Variants in SRCAP observed in about 807,000 individuals in gnomAD.
SRCAP encodes the protein Snf2 related CREBBP activator protein, also known as chromatin remodeling protein SRCAP.
SRCAP carries 46 observed loss-of-function variants against 263.1 expected under a neutral mutation model. The ratio of observed to expected loss-of-function variants is 0.17; its 90% CI spans 0.14 to 0.22. SRCAP has a LOEUF of 0.22. Among genes scored for constraint, SRCAP ranks in the 10% least tolerant of loss-of-function variants. SRCAP has a pLI of 1.00. For synonymous variants in SRCAP, 1,813 were observed against 1,662.1 expected (o/e 1.09, Z -2.21); for missense variants, 3,695 against 4,181.9 (o/e 0.88, Z 3.21).
intron 25 of SRCAP, among the ~76,000 whole-genome samples, chr16:30,727,250 A>G (rs2053072806): frequency 6.6e-6 from 1 of 152,228 alleles, no homozygotes; most frequent in African/African-American, 2.4e-5. Context: ...TGTGGTTGAA[A>G]TACCATGCTG....
rs141985098 is a variant in SRCAP at position 30,725,034 on chromosome 16, C to T, written c.5610C>T (p.Pro1870=). The T allele has an allele frequency of 4.0e-5, 64 of 1,613,558 alleles. No individual in the cohort carries two copies. Among genetic ancestry groups the T allele is most frequent in the Non-Finnish European group, 5.3e-5 (62 of 1,179,654 alleles). Residue 1870 remains proline (P), a synonymous_variant, in exon 25 of 34, where the codon CCC becomes CCT. Transcript: ENST00000262518. ...CCACTGCTACCTCGTTTGGTGGCCC[C>T]CGGCCTCGACGCCAGCCCCCCCCAC... ...PPSTATSFGG[P]RPRRQPPPPP...
Position 30,737,634 on chromosome 16 carries a change from C to T in SRCAP, c.7594C>T (p.Pro2532Ser), listed in dbSNP as rs753998161. 6.2e-6 allele frequency: 10 copies of T among 1,614,006 alleles called. No individual in the cohort carries two copies. The highest frequency in any genetic ancestry group is 4.4e-5 in the South Asian group (4 of 91,094). The stretch of plus-strand genomic sequence containing the variant: ...TTCCTCTCCTCTCTTGCTTGGTCCA[C>T]CTTCTGTGCCCATCTCTGCCTCAGT... Reference protein sequence around the residue: ...TPSSPLLLGPPSVPISASVTN... With the variant: ...TPSSPLLLGPSSVPISASVTN... The change falls in exon 34 of 34, where the codon CCT becomes TCT. Residue 2532 changes from proline to serine, a missense_variant. Physicochemically the swap from Pro to Ser is moderately conservative, Grantham distance 74 (BLOSUM62 -1). Coordinates refer to ENST00000262518, the MANE Select transcript of SRCAP (RefSeq NM_006662.3).
chr16:30,734,169 C>A, intron 30 of SRCAP, 161 bp downstream of exon 30: 1 of 682,204 alleles, frequency 1.5e-6, no homozygotes, highest in Non-Finnish European at 2.4e-6. Context: ...ATGATGAAAC[C>A]CTGTCTCTAC....
chr16:30,711,804 A>G (rs1482632156), intron 11 of SRCAP, 31 bp from the exon 12 acceptor site: 2 of 1,611,548 alleles, frequency 1.2e-6, no homozygotes, highest in South Asian at 2.2e-5. Context: ...AGCAGGTATG[A>G]TGAGCAGTAA....
chr16:30,737,077 T>G lies in SRCAP; in HGVS notation c.7037T>G (p.Leu2346Arg). ...EEQVEAARKD[L>R]DQAKEEVFRL... ...CAAGTGGAAGCTGCCCGCAAAGACC[T>G]GGACCAAGCCAAGGAGGAGGTGTTC... Residue 2346 changes from leucine (L) to arginine (R), a missense_variant, in exon 34 of 34, where the codon CTG becomes CGG. By Grantham distance (102) the Leu-to-Arg change is moderately radical. Transcript: ENST00000262518. The G allele has an allele frequency of 6.2e-7, 1 of 1,605,348 alleles. No individual in the cohort carries two copies.
intron 27 of SRCAP, among the ~76,000 whole-genome samples, chr16:30,731,297 G>T (rs931670943): frequency 6.6e-6 from 1 of 152,128 alleles, no homozygotes; most frequent in Non-Finnish European, 1.5e-5. Flanking sequence ...TCTGGGTTTG[G>T]GTTGGGGCCT....
chr16:30,710,741 T>G lies in SRCAP; in HGVS notation c.1135-13T>G. On this transcript the variant is annotated splice_polypyrimidine_tract_variant and intron_variant, in intron 8 of 33. Coordinates refer to ENST00000262518, the MANE Select transcript of SRCAP (RefSeq NM_006662.3). ...ACCTTAGACCCTTCCCTTTTTTATC[T>G]TTTGCCATACAGATAAAGCCCCCAC... The G allele has an allele frequency of 1.2e-6, 2 of 1,614,084 alleles. No homozygotes were observed. Among genetic ancestry groups the G allele is most frequent in the Non-Finnish European group, 1.7e-6 (2 of 1,179,954 alleles).
chr16:30,710,607 T>C, intron 8 of SRCAP, 147 bp from the exon 9 acceptor site: 2 of 899,568 alleles, frequency 2.2e-6, no homozygotes, highest in Non-Finnish European at 3.7e-6. Flanking sequence ...GAGAAAACCC[T>C]TGATTGTATT....
In SRCAP at chr16:30,734,618, A is replaced by T. The variant is rs761767260; in HGVS notation, c.6729+3A>T. ...AGCAGACTCATATTCTGGAGCAGGT[A>T]AAAAAAGAGTGGGCAGTTCGTAAAG... is the stretch of plus-strand genomic sequence containing the variant. On this transcript the variant is annotated splice_donor_region_variant and intron_variant, in intron 31 of 33. Transcript: ENST00000262518. 16 of 1,613,590 alleles carry T rather than the reference A, an allele frequency of 9.9e-6. No homozygotes were observed. In the Admixed American group the frequency reaches 2.7e-4, roughly 27 times the overall value.
Position 30,711,959 on chromosome 16 carries a change from A to G in SRCAP, c.1617A>G (p.Gln539=). 6.2e-7 allele frequency: 1 copy of G among 1,614,010 alleles called. No homozygotes were observed. The highest frequency in any genetic ancestry group is 8.5e-7 in the Non-Finnish European group (1 of 1,179,996). ...EESEDAQSQS[Q]ADEEEEDDDF... Reference sequence around the variant, plus strand: ...CTGAGGATGCCCAATCACAGAGCCAAGCAGATGAAGAGGAGGAAGATGATG... The same window carrying G: ...CTGAGGATGCCCAATCACAGAGCCAGGCAGATGAAGAGGAGGAAGATGATG... The change falls in exon 12 of 34, where the codon CAA becomes CAG. Residue 539 remains glutamine (Q), a synonymous_variant. Transcript: ENST00000262518.
rs184402546 is a variant in SRCAP at position 30,736,862 on chromosome 16, G to C, written c.7009-187G>C. The stretch of plus-strand genomic sequence containing the variant: ...TAATTTTTGTATTTTTAGTAGAGAC[G>C]GGGGTTTCACCATGTTGGCCAGGCT... On this transcript the variant is annotated intron_variant, in intron 33 of 33. Transcript: ENST00000262518. 6.6e-3 allele frequency among the ~76,000 whole-genome samples: 1,004 copies of C among 151,802 alleles called. 3 individuals are homozygous for C. The highest frequency in any genetic ancestry group is 0.021 in the Middle Eastern group (6 of 292).
At position 30,699,237 on chromosome 16, in the gene SRCAP, C is replaced by T; in HGVS notation, c.-289C>T. The T allele has an allele frequency of 5.0e-6, 2 of 398,714 alleles. No individual in the cohort carries two copies. The highest frequency in any genetic ancestry group is 4.4e-6 in the Non-Finnish European group (1 of 226,138). The allele number at this position is 398,714 out of a possible 1,614,324, so 24.7% of individuals were successfully genotyped here. A position where few individuals can be genotyped will look rare whatever the true frequency, so the allele number is the denominator to read the frequency against. ...GAAGTCAAGAGTTAAGGCTTGTTGG[C>T]TTCTGGTGAGCTCGGGTCTTGGGAA... is the stretch of plus-strand genomic sequence containing the variant. On this transcript the variant is annotated 5_prime_UTR_variant, in exon 1 of 34. Transcript: ENST00000262518.
chr16:30,713,375 C>T lies in SRCAP; in HGVS notation c.2298C>T (p.Asn766=). ...SQRWQSLLNF[N]SQRRLLLTGT... is the part of the protein sequence containing the mutation. Reference sequence around the variant, plus strand: ...GCTGGCAGTCACTCCTCAACTTCAACAGGTGGAGATGGAGATGGGGATTCA... The same window carrying T: ...GCTGGCAGTCACTCCTCAACTTCAATAGGTGGAGATGGAGATGGGGATTCA... The change falls in exon 15 of 34, where the codon AAC becomes AAT. Residue 766 remains asparagine, a splice_region_variant and synonymous_variant. Coordinates refer to ENST00000262518, the MANE Select transcript of SRCAP (RefSeq NM_006662.3). 1 of 1,614,116 alleles carries T rather than the reference C, an allele frequency of 6.2e-7. No individual in the cohort carries two copies. Among genetic ancestry groups the T allele is most frequent in the Non-Finnish European group, 8.5e-7 (1 of 1,180,022 alleles).
chr16:30,724,863 A>G lies in SRCAP; in HGVS notation c.5439A>G (p.Thr1813=), dbSNP rs1290677328. 6.2e-7 allele frequency: 1 copy of G among 1,614,036 alleles called. No homozygotes were observed. Among genetic ancestry groups the G allele is most frequent in the Non-Finnish European group, 8.5e-7 (1 of 1,179,978 alleles). ...CCTTGGCGCTGGCCCCAGCCTCCAC[A>G]CAGTCCCCAGCTTCCCAGGCATCTT... ...AQTLALAPAS[T]QSPASQASSL... is the part of the protein sequence containing the mutation. The change falls in exon 25 of 34, where the codon ACA becomes ACG. Residue 1813 remains threonine, a synonymous_variant. Coordinates refer to ENST00000262518, the MANE Select transcript of SRCAP (RefSeq NM_006662.3).
chr16:30,734,867 T>TA (rs1432644064), intron 31 of SRCAP, among the ~76,000 whole-genome samples: 2 of 152,186 alleles, frequency 1.3e-5, no homozygotes, highest in Non-Finnish European at 2.9e-5. Context: ...TAAGACAAGT[T>TA]ACAATCGTCA....
chr16:30,718,073 A>G (rs1292553545), intron 18 of SRCAP, among the ~76,000 whole-genome samples: 4 of 151,260 alleles, frequency 2.6e-5, no homozygotes, highest in African/African-American at 9.7e-5. Context: ...GGATGTTGAT[A>G]TGTTGCCTAG....
rs745617732 is a variant in SRCAP at position 30,724,022 on chromosome 16, A to G, written c.4598A>G (p.His1533Arg). The G allele has an allele frequency of 2.5e-6, 4 of 1,613,644 alleles. No individual in the cohort carries two copies. Among genetic ancestry groups the G allele is most frequent in the South Asian group, 1.1e-5 (1 of 91,074 alleles). ...CTGTTGTTGGCTCCCACCTCTTCAC[A>G]TGTTCCAGGGTTGAACTCAACCGTG... ...HPLLLAPTSS[H>R]VPGLNSTVAP... Residue 1533 changes from histidine (H) to arginine (R), a missense_variant, in exon 25 of 34, where the codon CAT becomes CGT. Coordinates refer to ENST00000262518, the MANE Select transcript of SRCAP (RefSeq NM_006662.3).
Position 30,737,078 on chromosome 16 carries a change from G to A in SRCAP, c.7038G>A (p.Leu2346=). The A allele has an allele frequency of 6.2e-7, 1 of 1,606,234 alleles. No homozygotes were observed. The highest frequency in any genetic ancestry group is 1.1e-5 in the South Asian group (1 of 90,168). Residue 2346 remains leucine (L), a synonymous_variant, in exon 34 of 34, where the codon CTG becomes CTA. Transcript: ENST00000262518. ...AAGTGGAAGCTGCCCGCAAAGACCT[G>A]GACCAAGCCAAGGAGGAGGTGTTCC... ...EEQVEAARKD[L]DQAKEEVFRL...
intron 25 of SRCAP, chr16:30,725,369 A>G: frequency 4.9e-6 from 2 of 408,406 alleles, no homozygotes; most frequent in Non-Finnish European, 4.4e-6. Context: ...CAGTAAAAGG[A>G]ACTCTTCTCT....
Sources: allele counts gnomAD v4.1 joint callset (sites outside exome capture counted in the v4.1 genomes callset), GRCh38; gene constraint gnomAD v4.1.1; transcripts MANE v1.5; gene names NCBI Gene and HGNC (gene_info 2026-07-23, HGNC 2026-07-21).